Variants in KIAA2012 observed in about 807,000 individuals in gnomAD.
KIAA2012 encodes the protein KIAA2012.
In KIAA2012, 125 loss-of-function variants were observed where a neutral mutation model predicts 150.6. The ratio of observed to expected loss-of-function variants is 0.83; its 90% CI spans 0.72 to 0.96. The LOEUF is 0.96. KIAA2012 is among the 40% of genes least tolerant of loss of function. The pLI is 0.00. For synonymous variants in KIAA2012, 462 were observed against 504.7 expected (o/e 0.92, Z 1.13); for missense variants, 1,219 against 1,354.9 (o/e 0.90, Z 1.57).
chr2:202,146,697 G>T (rs1691309958), intron 13 of KIAA2012, among the ~76,000 whole-genome samples: 1 of 151,376 alleles, frequency 6.6e-6, no homozygotes, highest in African/African-American at 2.4e-5. Context: ...TACTCAGGAG[G>T]CTGAGGCAGG....
intron 13 of KIAA2012, among the ~76,000 whole-genome samples, chr2:202,144,967 G>C (rs1257097839): frequency 6.6e-6 from 1 of 152,094 alleles, no homozygotes; most frequent in Non-Finnish European, 1.5e-5. Flanking sequence ...ACAATCTCTG[G>C]GCATTTCCTG....
chr2:202,126,481 C>G (rs1690790921), intron 12 of KIAA2012, among the ~76,000 whole-genome samples: 1 of 152,154 alleles, frequency 6.6e-6, no homozygotes, highest in Non-Finnish European at 1.5e-5. Context: ...CTGCATTCCC[C>G]CTTGCCATCT....
chr2:202,191,175 G>A (rs1692322095), intron 19 of KIAA2012, among the ~76,000 whole-genome samples: 2 of 152,180 alleles, frequency 1.3e-5, no homozygotes, highest in African/African-American at 2.4e-5. Flanking sequence ...TACTTGGGAG[G>A]CTGAGGCAGG....
chr2:202,084,351 C>A lies in KIAA2012; in HGVS notation c.370-6419C>A, dbSNP rs1689515093. 5.3e-5 allele frequency among the ~76,000 whole-genome samples: 8 copies of A among 152,254 alleles called. No individual in the cohort carries two copies. The South Asian group carries it at 1.7e-3, about 32-fold the overall frequency. ...AGTGGCCAGCACTAGAGCAGGTGGA[C>A]AAGACAGCCAGTGCGGGGGAAGGGA... On this transcript the variant is annotated intron_variant, in intron 2 of 23. Coordinates refer to ENST00000498697, the MANE Select transcript of KIAA2012 (RefSeq NM_001277372.4).
At chr2:202,124,759 T>A (rs1690739702) in intron 11 of KIAA2012, among the ~76,000 whole-genome samples, 1 of 152,186 alleles carries the variant, frequency 6.6e-6, no homozygotes, top group Non-Finnish European at 1.5e-5. Context: ...CAGAATATCA[T>A]CTGTGGATTT....
intron 2 of KIAA2012, among the ~76,000 whole-genome samples, chr2:202,077,278 T>C (rs1689346631): frequency 6.6e-6 from 1 of 152,194 alleles, no homozygotes; most frequent in South Asian, 2.1e-4. Flanking sequence ...TTTTCCTGGT[T>C]GGACACTGAG....
At chr2:202,172,338 T>A (rs536192646) in intron 15 of KIAA2012, among the ~76,000 whole-genome samples, 1 of 152,372 alleles carries the variant, frequency 6.6e-6, no homozygotes, top group East Asian at 1.9e-4. Context: ...TATGACTCCA[T>A]GCTCCTTGAA....
At chr2:202,131,185 G>C (rs1179460442) in intron 12 of KIAA2012, among the ~76,000 whole-genome samples, 1 of 152,102 alleles carries the variant, frequency 6.6e-6, no homozygotes, top group Non-Finnish European at 1.5e-5. Flanking sequence ...TGTTGTCCAG[G>C]CTGAAGTGCA....
chr2:202,075,425 T>C (rs1459686555), intron 2 of KIAA2012, among the ~76,000 whole-genome samples: 5 of 152,176 alleles, frequency 3.3e-5, no homozygotes, highest in Admixed American at 3.3e-4. Context: ...TATCATCATT[T>C]TATGTTTTCC....
At chr2:202,171,460 C>G (rs1323593188) in intron 15 of KIAA2012, among the ~76,000 whole-genome samples, 5 of 152,238 alleles carry the variant, frequency 3.3e-5, no homozygotes, top group Admixed American at 1.3e-4. Flanking sequence ...AGGCTTCTGC[C>G]TAGCGCCTCT....
chr2:202,080,092 C>T (rs1017254959), intron 2 of KIAA2012, among the ~76,000 whole-genome samples: 2 of 152,110 alleles, frequency 1.3e-5, no homozygotes, highest in African/African-American at 2.4e-5. Context: ...AGACCAACAA[C>T]GGATTCCAAA....
intron 13 of KIAA2012, among the ~76,000 whole-genome samples, chr2:202,145,678 C>CTTTTTTTTTTTTTTTT (rs36059685): frequency 2.7e-5 from 2 of 75,310 alleles, no homozygotes; most frequent in African/African-American, 1.0e-4. Context: ...TTGAGAGGGT[C>CTTTTTTTTTTTTTTTT]TTTTTTTTTT....
chr2:202,203,139 G>A (rs1032303160), intron 23 of KIAA2012, among the ~76,000 whole-genome samples: 1 of 151,972 alleles, frequency 6.6e-6, no homozygotes, highest in Non-Finnish European at 1.5e-5. Context: ...CAGAAGCCTT[G>A]GTGCCTAAAA....
chr2:202,101,695 A>C (rs961154465), intron 7 of KIAA2012, among the ~76,000 whole-genome samples: 1 of 152,216 alleles, frequency 6.6e-6, no homozygotes, highest in Non-Finnish European at 1.5e-5. Context: ...CAAAATGCAC[A>C]AGGTCAGTAT....
chr2:202,201,818 G>A, intron 22 of KIAA2012: 1 of 1,296,262 alleles, frequency 7.7e-7, no homozygotes, highest in South Asian at 1.2e-5. Context: ...AGGTCTGAGG[G>A]TAGACTGGAT....
intron 14 of KIAA2012, among the ~76,000 whole-genome samples, chr2:202,162,851 A>T (rs1221403509): frequency 7.0e-6 from 1 of 142,166 alleles, no homozygotes; most frequent in African/African-American, 2.6e-5. Context: ...AATCACTTGA[A>T]CCCGGGAGGC....
chr2:202,151,946 G>A (rs1198031803), intron 13 of KIAA2012, among the ~76,000 whole-genome samples: 1 of 151,834 alleles, frequency 6.6e-6, no homozygotes, highest in Non-Finnish European at 1.5e-5. Flanking sequence ...AAATTTTTTT[G>A]TAAAGACAGG....
rs56962822 is a variant in KIAA2012, at chr2:202,106,631, G to A, written c.1474+721G>A. Among the ~76,000 whole-genome samples the A allele has an allele frequency of 5.2e-3, 787 of 152,236 alleles. 11 individuals carry two copies. The highest frequency in any genetic ancestry group is 0.018 in the African/African-American group (735 of 41,526). On this transcript the variant is annotated intron_variant, in intron 9 of 23. Transcript: ENST00000498697. ...GAACCCAGGAGGCGGAGGTTGCAGG[G>A]AGCTGAGATTGTGCCACTGCACTCC...
Position 202,154,698 on chromosome 2 carries a change from C to G in KIAA2012, c.1934C>G (p.Ala645Gly). 6.5e-7 allele frequency: 1 copy of G among 1,547,044 alleles called. No homozygotes were observed. Among genetic ancestry groups the G allele is most frequent in the Non-Finnish European group, 8.7e-7 (1 of 1,146,138 alleles). Residue 645 changes from alanine to glycine, a missense_variant, in exon 14 of 24, where the codon GCA becomes GGA. By Grantham distance (60) the Ala-to-Gly change is moderately conservative. Transcript: ENST00000498697. Reference protein sequence around the residue: ...KQGAQQSLEAAAQKTGEPQSC... With the variant: ...KQGAQQSLEAGAQKTGEPQSC... The stretch of plus-strand genomic sequence containing the variant: ...GGAGCCCAGCAGTCCTTGGAGGCAG[C>G]AGCTCAGAAGACAGGAGAGCCTCAA...
Sources: gnomAD v4.1 joint callset for allele counts (sites outside exome capture counted in the v4.1 genomes callset) on GRCh38, gnomAD v4.1.1 for gene constraint, MANE v1.5 for transcripts, NCBI Gene and HGNC (gene_info 2026-07-23, HGNC 2026-07-21) for gene names.